The following ANKS1B variants were observed in gnomAD, a reference collection of about 807,000 sequenced individuals.
ANKS1B encodes the protein ankyrin repeat and sterile alpha motif domain containing 1B, also known as ankyrin repeat and sterile alpha motif domain-containing protein 1B.
Under a neutral mutation model 148.3 loss-of-function variants are expected in ANKS1B, and 36 were observed. The ratio of observed to expected loss-of-function variants is 0.24; its 90% CI spans 0.19 to 0.32. ANKS1B has a LOEUF of 0.32. Among genes scored for constraint, ANKS1B ranks in the 10% least tolerant of loss-of-function variants. ANKS1B has a pLI of 1.00. For synonymous variants in ANKS1B, 542 were observed against 560.8 expected, an observed-to-expected ratio of 0.97 and a Z score of 0.47; for missense variants, 1,157 against 1,542.6, an observed-to-expected ratio of 0.75 and a Z score of 4.19.
At position 99,379,295 on chromosome 12, in the gene ANKS1B, G is replaced by A. The variant is rs1030105386; in HGVS notation, c.1756+20336C>T. On this transcript the variant is annotated intron_variant, in intron 12 of 26. Transcript: ENST00000683438. ...GAGGCAGAATAATGTGTTGGTCAAAGTGCAAGCCCTGAATCAGAATGGATG... is the reference window on the plus strand; with the variant it reads ...GAGGCAGAATAATGTGTTGGTCAAAATGCAAGCCCTGAATCAGAATGGATG... 3.3e-5 allele frequency among the ~76,000 whole-genome samples: 5 copies of A among 152,312 alleles called. No homozygotes were observed. The East Asian group carries it at 7.7e-4, about 24-fold the overall frequency.
At chr12:99,648,396 T>C (rs1235228332) in intron 9 of ANKS1B, 4 of 1,614,158 alleles carry the variant, frequency 2.5e-6, no homozygotes, top group Non-Finnish European at 3.4e-6. Context: ...TGGGCATCGT[T>C]CGCACCAGCC....
At chr12:99,210,647 G>A (rs1368293928) in intron 14 of ANKS1B, among the ~76,000 whole-genome samples, 1 of 152,208 alleles carries the variant, frequency 6.6e-6, no homozygotes, top group African/African-American at 2.4e-5. Context: ...TATTGCACAT[G>A]TATAAATATA....
At chr12:99,327,023 AATAAAT>A (rs2086448002) in intron 12 of ANKS1B, among the ~76,000 whole-genome samples, 2 of 134,262 alleles carry the variant, frequency 1.5e-5, no homozygotes, top group African/African-American at 6.0e-5. Context: ...ATTATATTAT[AATAAAT>A]ATTATATATA....
intron 8 of ANKS1B, among the ~76,000 whole-genome samples, chr12:99,659,140 A>G (rs1439004000): frequency 2.0e-5 from 3 of 152,210 alleles, no homozygotes; most frequent in South Asian, 2.1e-4. Context: ...GAAGAAACTT[A>G]TCAGTGGTTT....
chr12:99,912,525 T>C (rs1407763003), intron 1 of ANKS1B, among the ~76,000 whole-genome samples: 1 of 152,108 alleles, frequency 6.6e-6, no homozygotes, highest in East Asian at 1.9e-4. Flanking sequence ...CTAATTTTTA[T>C]ATTTTTAGTA....
chr12:99,391,646 A>G (rs2094075087), intron 12 of ANKS1B, among the ~76,000 whole-genome samples: 1 of 152,186 alleles, frequency 6.6e-6, no homozygotes. Flanking sequence ...AACTAATTTC[A>G]TTTGGAGTAG....
intron 15 of ANKS1B, among the ~76,000 whole-genome samples, chr12:99,153,880 C>A (rs1454544655): frequency 1.3e-5 from 2 of 152,142 alleles, no homozygotes; most frequent in African/African-American, 4.8e-5. Flanking sequence ...AACAAATTGT[C>A]TCATTAACCA....
Position 99,904,195 on chromosome 12 carries a change from CTT to C in ANKS1B, c.135-78808_135-78807del, listed in dbSNP as rs11299342. Among the ~76,000 whole-genome samples the C allele has an allele frequency of 2.2e-3, 320 of 144,960 alleles. 1 individual carries two copies. The highest frequency in any genetic ancestry group is 2.4e-3 in the African/African-American group (95 of 39,484). ...ATTTACATCTGAAACCCTAATAATT[CTT>C]TTTTTTTTTTTTTAGATGGATTCTT... On this transcript the variant is annotated intron_variant, in intron 1 of 26. Coordinates refer to ENST00000683438, the MANE Select transcript of ANKS1B (RefSeq NM_001352186.2).
At chr12:99,883,060 G>A (rs967404679) in intron 1 of ANKS1B, among the ~76,000 whole-genome samples, 1 of 152,220 alleles carries the variant, frequency 6.6e-6, no homozygotes, top group Non-Finnish European at 1.5e-5. Flanking sequence ...TGCAAATGTG[G>A]AACATCAGAA....
chr12:98,979,158 T>C lies in ANKS1B; in HGVS notation c.2778+73999A>G, dbSNP rs185772736. Reference sequence around the variant, plus strand: ...CTCTGTCTCAAAAAAAAGAAATTTTTTTTTAAATGAGAAAAAGTATTTTAT... The same window carrying C: ...CTCTGTCTCAAAAAAAAGAAATTTTCTTTTAAATGAGAAAAAGTATTTTAT... On this transcript the variant is annotated intron_variant, in intron 17 of 26. Coordinates refer to ENST00000683438, the MANE Select transcript of ANKS1B (RefSeq NM_001352186.2). Among the ~76,000 whole-genome samples, 224 of 151,870 alleles carry C rather than the reference T, an allele frequency of 1.5e-3. 2 individuals are homozygous for C. In the East Asian group the frequency reaches 0.036, roughly 24 times the overall value.
intron 12 of ANKS1B, among the ~76,000 whole-genome samples, chr12:99,365,062 C>T (rs569770184): frequency 1.3e-5 from 2 of 152,268 alleles, no homozygotes; most frequent in South Asian, 4.1e-4. Context: ...TACCGGAAAA[C>T]AGAATGATCA....
intron 14 of ANKS1B, among the ~76,000 whole-genome samples, chr12:99,181,408 A>G (rs2079094000): frequency 6.6e-6 from 1 of 152,224 alleles, no homozygotes; most frequent in Non-Finnish European, 1.5e-5. Context: ...TTGGACAATG[A>G]TCAAAGAGAA....
intron 17 of ANKS1B, among the ~76,000 whole-genome samples, chr12:98,967,548 C>T (rs1191492528): frequency 6.7e-6 from 1 of 148,172 alleles, no homozygotes; most frequent in Non-Finnish European, 1.5e-5. Context: ...ATTGACCATA[C>T]CCTGGCCAGT....
At chr12:99,451,839 ATAGT>A (rs1434764784) in intron 10 of ANKS1B, among the ~76,000 whole-genome samples, 1 of 151,982 alleles carries the variant, frequency 6.6e-6, no homozygotes, top group Non-Finnish European at 1.5e-5. Context: ...TGCCTGACAC[ATAGT>A]AAGTGCTCAA....
At chr12:98,989,592 C>G (rs927333147) in intron 17 of ANKS1B, among the ~76,000 whole-genome samples, 17 of 152,046 alleles carry the variant, frequency 1.1e-4, no homozygotes, top group African/African-American at 3.9e-4. Flanking sequence ...ATTGCTTTGT[C>G]TATTTGGGAC....
chr12:99,665,454 T>C (rs1440848894), intron 8 of ANKS1B, among the ~76,000 whole-genome samples: 1 of 152,106 alleles, frequency 6.6e-6, no homozygotes, highest in African/African-American at 2.4e-5. Flanking sequence ...TTTGGTGAAG[T>C]ACCTTTACAC....
In ANKS1B at chr12:99,117,626, G is replaced by A. The variant is rs559806670; in HGVS notation, c.2527-32603C>T. Among the ~76,000 whole-genome samples, 85 of 152,298 alleles carry A rather than the reference G, an allele frequency of 5.6e-4. No homozygotes were observed. In the South Asian group the frequency reaches 0.017, roughly 30 times the overall value. On this transcript the variant is annotated intron_variant, in intron 15 of 26. Transcript: ENST00000683438. The stretch of plus-strand genomic sequence containing the variant: ...GTATTTTATTGAGGATTTTAGCCTC[G>A]ATATTCATCAGGAATATTGGCCTGA...
chr12:99,115,880 C>G (rs919016097), intron 15 of ANKS1B, among the ~76,000 whole-genome samples: 1 of 145,392 alleles, frequency 6.9e-6, no homozygotes, highest in South Asian at 2.2e-4. Context: ...TGCAGTGAGC[C>G]GAGATTGCAC....
intron 1 of ANKS1B, among the ~76,000 whole-genome samples, chr12:99,903,989 G>C (rs1565965946): frequency 6.6e-6 from 1 of 152,158 alleles, no homozygotes; most frequent in Non-Finnish European, 1.5e-5. Flanking sequence ...GATCAAGAGC[G>C]ATATATGACT....
Sources: allele counts gnomAD v4.1 joint callset (sites outside exome capture counted in the v4.1 genomes callset), GRCh38; gene constraint gnomAD v4.1.1; transcripts MANE v1.5; gene names NCBI Gene and HGNC (gene_info 2026-07-23, HGNC 2026-07-21).